Variants in LOC128706665 observed in about 807,000 individuals in gnomAD.
chr20:10,421,899 T>A, the LOC128706665 span, among the ~76,000 whole-genome samples: 1 of 152,172 alleles, frequency 6.6e-6, no homozygotes, highest in East Asian at 1.9e-4. Flanking sequence ...CTCCTTATAC[T>A]CTTAATAAGG....
chr20:10,427,831 T>C, the LOC128706665 span, among the ~76,000 whole-genome samples: 44 of 152,300 alleles, frequency 2.9e-4, no homozygotes, highest in African/African-American at 9.9e-4. Flanking sequence ...TGGATCATAA[T>C]TGAGTTCTAA....
the LOC128706665 span, among the ~76,000 whole-genome samples, chr20:10,428,762 C>G: frequency 6.6e-6 from 1 of 152,186 alleles, no homozygotes. Flanking sequence ...TCGCTTGAAT[C>G]CAGGAGGCAG....
At chr20:10,424,923 G>A in the LOC128706665 span, among the ~76,000 whole-genome samples, 1 of 151,834 alleles carries the variant, frequency 6.6e-6, no homozygotes, top group Non-Finnish European at 1.5e-5. Context: ...TGTGGTGGCA[G>A]GCGCCTGTAA....
chr20:10,425,842 CCTTT>C, the LOC128706665 span, among the ~76,000 whole-genome samples: 3 of 152,198 alleles, frequency 2.0e-5, no homozygotes, highest in East Asian at 1.9e-4. Flanking sequence ...TTGCCACTGC[CCTTT>C]CTTTCTTTCC....
At chr20:10,420,952 A>G in the LOC128706665 span, among the ~76,000 whole-genome samples, 9 of 152,354 alleles carry the variant, frequency 5.9e-5, no homozygotes, top group South Asian at 1.4e-3. Flanking sequence ...GCAGGCAGTC[A>G]GCCTTGGGAA....
At chr20:10,425,535 A>G in the LOC128706665 span, among the ~76,000 whole-genome samples, 1 of 152,278 alleles carries the variant, frequency 6.6e-6, no homozygotes, top group African/African-American at 2.4e-5. Context: ...AGAAGCAGAC[A>G]GACTGGGAGA....
At chr20:10,426,912 G>A in the LOC128706665 span, among the ~76,000 whole-genome samples, 241 of 152,194 alleles carry the variant, frequency 1.6e-3, 1 homozygote, top group Middle Eastern at 0.014. Context: ...TTAGTTCTCA[G>A]TATAGAATGA....
chr20:10,416,087 A>C, the LOC128706665 span, among the ~76,000 whole-genome samples: 14 of 152,310 alleles, frequency 9.2e-5, no homozygotes, highest in African/African-American at 3.4e-4. Flanking sequence ...GTGCTCCATA[A>C]TTCCAAGAGT....
At chr20:10,427,712 T>C in the LOC128706665 span, among the ~76,000 whole-genome samples, 1 of 152,230 alleles carries the variant, frequency 6.6e-6, no homozygotes, top group Non-Finnish European at 1.5e-5. Context: ...ATCGTTTTCC[T>C]TTTTCTTTTC....
At chr20:10,429,041 G>A in the LOC128706665 span, among the ~76,000 whole-genome samples, 1 of 152,122 alleles carries the variant, frequency 6.6e-6, no homozygotes, top group African/African-American at 2.4e-5. Flanking sequence ...ACTGAAAAGA[G>A]TCAAAAACAA....
At chr20:10,413,787 T>C in the LOC128706665 span, 1 of 565,186 alleles carries the variant, frequency 1.8e-6, no homozygotes. Flanking sequence ...TACAGACTGC[T>C]TTGCAGACCT....
At chr20:10,426,334 C>T in the LOC128706665 span, among the ~76,000 whole-genome samples, 1 of 152,142 alleles carries the variant, frequency 6.6e-6, no homozygotes, top group African/African-American at 2.4e-5. Flanking sequence ...ATGAGGGGAA[C>T]ATTTGGAGGG....
the LOC128706665 span, among the ~76,000 whole-genome samples, chr20:10,426,710 G>T: frequency 6.6e-6 from 1 of 152,292 alleles, no homozygotes; most frequent in East Asian, 1.9e-4. Flanking sequence ...CATGTCCTTG[G>T]CTGATTTTCA....
the LOC128706665 span, among the ~76,000 whole-genome samples, chr20:10,415,014 A>G: frequency 1.1e-4 from 16 of 152,342 alleles, no homozygotes; most frequent in Admixed American, 7.2e-4. Flanking sequence ...ATTCAATTTC[A>G]AAGTCTAAAT....
chr20:10,433,719 TACACCGTGCACCCTCC>T, the LOC128706665 span, among the ~76,000 whole-genome samples: 12 of 151,988 alleles, frequency 7.9e-5, no homozygotes, highest in South Asian at 2.5e-3. Context: ...CAGCCTGGGG[TACACCGTGCACCCTCC>T]AGACAGTCAG....
chr20:10,414,265 C>CTTTTT, the LOC128706665 span, among the ~76,000 whole-genome samples: 928 of 132,314 alleles, frequency 7.0e-3, 20 homozygotes, highest in East Asian at 0.021. Context: ...GTCTCTGAGT[C>CTTTTT]TTTTTTTTTT....
chr20:10,432,789 CAAAAAAAAAA>C, the LOC128706665 span, among the ~76,000 whole-genome samples: 4 of 74,590 alleles, frequency 5.4e-5, no homozygotes, highest in African/African-American at 1.9e-4. Flanking sequence ...GACTCTTTGT[CAAAAAAAAAA>C]AAAAAAAAAA....
At chr20:10,433,814 C>A in the LOC128706665 span, among the ~76,000 whole-genome samples, 1 of 152,126 alleles carries the variant, frequency 6.6e-6, no homozygotes, top group Non-Finnish European at 1.5e-5. Context: ...AAGGCGGCAG[C>A]GCAGGTGGGA....
the LOC128706665 span, among the ~76,000 whole-genome samples, chr20:10,417,521 G>A: frequency 3.9e-5 from 6 of 152,186 alleles, no homozygotes; most frequent in African/African-American, 1.4e-4. Context: ...TGAGGCTGGA[G>A]GATGGCCTGT....
Sources: allele counts gnomAD v4.1 joint callset (sites outside exome capture counted in the v4.1 genomes callset), GRCh38; gene constraint gnomAD v4.1.1; transcripts MANE v1.5.